The following CACUL1 variants were observed in gnomAD, a reference collection of about 807,000 sequenced individuals.
CACUL1 encodes the protein CDK2-associated and cullin domain-containing protein 1.
A neutral mutation model predicts 45.2 loss-of-function variants in CACUL1; 13 were observed. The ratio of observed to expected loss-of-function variants is 0.29; its 90% CI spans 0.19 to 0.46. CACUL1 has a LOEUF of 0.46. Ranked by LOEUF, CACUL1 falls within the 20% of genes least tolerant of loss-of-function variation. CACUL1 has a pLI of 1.00. For missense variants in CACUL1, 421 were observed against 471.4 expected (o/e 0.89, Z 0.99); for synonymous variants, 197 against 174.2 (o/e 1.13, Z -1.03).
At position 118,686,652 on chromosome 10, in the gene CACUL1, G is replaced by A. The variant is rs1466048868; in HGVS notation, c.1026-11C>T. The A allele has an allele frequency of 6.2e-7, 1 of 1,610,170 alleles. No homozygotes were observed. ...CGGGACTGGTCACCCCTGGGGATAA[G>A]AAGAGGCAGTCAACAAAACTGACTT... On this transcript the variant is annotated splice_polypyrimidine_tract_variant and intron_variant, in intron 7 of 8. Coordinates refer to ENST00000369151, the MANE Select transcript of CACUL1 (RefSeq NM_153810.5).
At position 118,683,695 on chromosome 10, in the gene CACUL1, A is replaced by C. The variant is rs1005792221; in HGVS notation, c.*2433T>G. ...GGGTGAGAGAGTGAGACTCCATCTC[A>C]AAAACAAAATATAAGAAAACAGAAG... On this transcript the variant is annotated 3_prime_UTR_variant, in exon 9 of 9. Coordinates refer to ENST00000369151, the MANE Select transcript of CACUL1 (RefSeq NM_153810.5). 6.6e-6 allele frequency: 1 copy of C among 152,158 alleles called. No individual in the cohort carries two copies. Among genetic ancestry groups the C allele is most frequent in the African/African-American group, 2.4e-5 (1 of 41,420 alleles). The allele number at this position is 152,158 out of a possible 1,614,324, so 9.4% of individuals were successfully genotyped here.
Position 118,686,111 on chromosome 10 carries a change from C to G in CACUL1, c.*17G>C, listed in dbSNP as rs896579147. 2 of 1,601,572 alleles carry G rather than the reference C, an allele frequency of 1.2e-6. No homozygotes were observed. Among genetic ancestry groups the G allele is most frequent in the Non-Finnish European group, 1.7e-6 (2 of 1,168,722 alleles). On this transcript the variant is annotated 3_prime_UTR_variant, in exon 9 of 9. Coordinates refer to ENST00000369151, the MANE Select transcript of CACUL1 (RefSeq NM_153810.5). ...TGTGTCCTCTTTTCAGGAAGGAAAGCATATTCAATACATTCACTATCTGTA... is the reference window on the plus strand; with the variant it reads ...TGTGTCCTCTTTTCAGGAAGGAAAGGATATTCAATACATTCACTATCTGTA...
In CACUL1 at chr10:118,713,494, C is replaced by T. The variant is rs561331445; in HGVS notation, c.598-5907G>A. Among the ~76,000 whole-genome samples, 347 of 152,276 alleles carry T rather than the reference C, an allele frequency of 2.3e-3. 2 individuals carry two copies. The highest frequency in any genetic ancestry group is 0.021 in the Admixed American group (323 of 15,298). ...ATGGCAGTGGCCACTCCAGATGGGCCGCCACTGCCATCACCATTACTCCAA... is the reference window on the plus strand; with the variant it reads ...ATGGCAGTGGCCACTCCAGATGGGCTGCCACTGCCATCACCATTACTCCAA... On this transcript the variant is annotated intron_variant, in intron 3 of 8. Transcript: ENST00000369151.
At chr10:118,733,234 T>G (rs1845713222) in intron 1 of CACUL1, among the ~76,000 whole-genome samples, 1 of 152,210 alleles carries the variant, frequency 6.6e-6, no homozygotes. Context: ...AAACAGTGAC[T>G]GCTGATGCTT....
chr10:118,729,210 A>T (rs1845677636), intron 3 of CACUL1, 85 bp downstream of exon 3: 1 of 791,632 alleles, frequency 1.3e-6, no homozygotes, highest in African/African-American at 1.7e-5. Context: ...CAAATTAACA[A>T]GCTTCCAAAT....
At chr10:118,744,949 C>T (rs143406681) in intron 1 of CACUL1, among the ~76,000 whole-genome samples, 37 of 152,088 alleles carry the variant, frequency 2.4e-4, no homozygotes, top group African/African-American at 8.7e-4. Context: ...CCACCGCGCC[C>T]GGCTCATTCC....
intron 3 of CACUL1, among the ~76,000 whole-genome samples, chr10:118,722,080 CTTTTTT>C (rs11358147): frequency 1.4e-5 from 2 of 140,518 alleles, no homozygotes; most frequent in African/African-American, 2.6e-5. Context: ...CAGAAACAAA[CTTTTTT>C]TTTTTTTTTT....
intron 3 of CACUL1, among the ~76,000 whole-genome samples, chr10:118,711,264 G>C (rs1339716398): frequency 6.6e-6 from 1 of 152,206 alleles, no homozygotes; most frequent in African/African-American, 2.4e-5. Context: ...ATTTTTAGGA[G>C]AGACAGGGTT....
intron 8 of CACUL1, 31 bp downstream of exon 8, chr10:118,686,567 C>CATCA: frequency 6.4e-7 from 1 of 1,561,308 alleles, no homozygotes; most frequent in Non-Finnish European, 8.8e-7. Context: ...ATCACAGAAC[C>CATCA]ATCAAGATGG....
At chr10:118,751,772 A>G (rs1319772408) in intron 1 of CACUL1, among the ~76,000 whole-genome samples, 2 of 152,242 alleles carry the variant, frequency 1.3e-5, no homozygotes, top group Non-Finnish European at 2.9e-5. Context: ...GAATTTATAA[A>G]TTGGAGAAAA....
At chr10:118,749,876 G>A (rs1474255282) in intron 1 of CACUL1, among the ~76,000 whole-genome samples, 2 of 152,188 alleles carry the variant, frequency 1.3e-5, no homozygotes. Context: ...CCCCAGTTCT[G>A]AAACTAGTTC....
rs1845943571 is a variant in CACUL1 at position 118,754,950 on chromosome 10, C to A, written c.-188G>T. On this transcript the variant is annotated 5_prime_UTR_variant, in exon 1 of 9. Coordinates refer to ENST00000369151, the MANE Select transcript of CACUL1 (RefSeq NM_153810.5). Reference sequence around the variant, plus strand: ...ACTAGCTTGAAGACGCGGCTGACGGCGGTGGGCGCTCCGGGGCTCTAGTCT... The same window carrying A: ...ACTAGCTTGAAGACGCGGCTGACGGAGGTGGGCGCTCCGGGGCTCTAGTCT... 2 of 693,642 alleles carry A rather than the reference C, an allele frequency of 2.9e-6. No individual in the cohort carries two copies. The highest frequency in any genetic ancestry group is 1.9e-5 in the African/African-American group (1 of 52,484). The allele number at this position is 693,642 out of a possible 1,614,324, so 43.0% of individuals were successfully genotyped here.
chr10:118,730,316 G>A lies in CACUL1; in HGVS notation c.462C>T (p.Asp154=), dbSNP rs41284412. The A allele has an allele frequency of 3.7e-3, 6,027 of 1,613,982 alleles. 20 individuals carry two copies. Among genetic ancestry groups the A allele is most frequent in the Non-Finnish European group, 4.2e-3 (4,970 of 1,179,864 alleles). The change falls in exon 2 of 9, where the codon GAC becomes GAT. Residue 154 remains aspartate (D), a synonymous_variant. Coordinates refer to ENST00000369151, the MANE Select transcript of CACUL1 (RefSeq NM_153810.5). ...IDQLLTQSPG[D]YIPISYEQIY... ...TCTGTTCATAGGATATGGGGATATA[G>A]TCACCAGGACTCTGAGTTAAAAGTT...
chr10:118,693,625 A>G (rs939475995), intron 6 of CACUL1: 9 of 423,450 alleles, frequency 2.1e-5, no homozygotes, highest in South Asian at 8.4e-5. Flanking sequence ...TAAGCTGCCT[A>G]CTTGGGAGGC....
At chr10:118,703,481 T>A (rs1270775835) in intron 4 of CACUL1, among the ~76,000 whole-genome samples, 1 of 152,240 alleles carries the variant, frequency 6.6e-6, no homozygotes, top group African/African-American at 2.4e-5. Context: ...TAGTCCCTAC[T>A]GATAATACAA....
rs944971861 is a variant in CACUL1 at position 118,752,524 on chromosome 10, A to G, written c.367+1872T>C. Among the ~76,000 whole-genome samples, 73 of 152,204 alleles carry G rather than the reference A, an allele frequency of 4.8e-4. 1 individual carries two copies. The highest frequency in any genetic ancestry group is 1.8e-4 in the Non-Finnish European group (12 of 68,016). ...TCAGGACTCTGTAACACACTGTTGG[A>G]TTTGATGAGCGAGTATTTATTCTGC... On this transcript the variant is annotated intron_variant, in intron 1 of 8. Coordinates refer to ENST00000369151, the MANE Select transcript of CACUL1 (RefSeq NM_153810.5).
At chr10:118,746,444 A>G (rs1188375045) in intron 1 of CACUL1, among the ~76,000 whole-genome samples, 1 of 152,246 alleles carries the variant, frequency 6.6e-6, no homozygotes, top group Non-Finnish European at 1.5e-5. Flanking sequence ...CTCACACTAT[A>G]CAGACATCAA....
At chr10:118,709,222 A>AGG (rs1287831072) in intron 3 of CACUL1, among the ~76,000 whole-genome samples, 1 of 152,288 alleles carries the variant, frequency 6.6e-6, no homozygotes, top group East Asian at 1.9e-4. Context: ...CAGTGGGAAA[A>AGG]GGGTTGGCCT....
intron 6 of CACUL1, among the ~76,000 whole-genome samples, chr10:118,691,903 T>G (rs1845274973): frequency 6.6e-6 from 1 of 150,632 alleles, no homozygotes; most frequent in Non-Finnish European, 1.5e-5. Flanking sequence ...AAAAGAATTT[T>G]ATAGTATGAA....
Sources: gnomAD v4.1 joint callset for allele counts (sites outside exome capture counted in the v4.1 genomes callset) on GRCh38, gnomAD v4.1.1 for gene constraint, MANE v1.5 for transcripts, NCBI Gene and HGNC (gene_info 2026-07-23, HGNC 2026-07-21) for gene names.